Variants in AKR1C3 observed in about 807,000 individuals in gnomAD.
The protein encoded by AKR1C3 is aldo-keto reductase family 1 member C3.
Under a neutral mutation model 43.6 loss-of-function variants are expected in AKR1C3, and 48 were observed. The ratio of observed to expected loss-of-function variants is 1.10; its 90% CI spans 0.87 to 1.40. AKR1C3 has a LOEUF of 1.40. Ranked by LOEUF, AKR1C3 falls within the 40% of genes most tolerant of loss-of-function variation. AKR1C3 has a pLI of 0.00. For missense variants in AKR1C3, 482 were observed against 391.2 expected, an observed-to-expected ratio of 1.23 and a Z score of -1.96; for synonymous variants, 162 against 139.6, an observed-to-expected ratio of 1.16 and a Z score of -1.13.
At chr10:5,103,940 ATATATATAT>A (rs1839426255) in intron 7 of AKR1C3, among the ~76,000 whole-genome samples, 1 of 151,900 alleles carries the variant, frequency 6.6e-6, no homozygotes, top group Non-Finnish European at 1.5e-5. Flanking sequence ...TGATAGATTG[ATATATATAT>A]TATAGTTTAA....
chr10:5,098,840 A>G lies in AKR1C3; in HGVS notation c.408A>G (p.Lys136=), dbSNP rs375919072. 4 of 1,613,954 alleles carry G rather than the reference A, an allele frequency of 2.5e-6. No individual in the cohort carries two copies. The highest frequency in any genetic ancestry group is 3.4e-6 in the Non-Finnish European group (4 of 1,179,934). ...TTTCACCAACAGATGAAAATGGAAA[A>G]GTAATATTTGACATAGTGGATCTCT... is the stretch of plus-strand genomic sequence containing the variant. ...EELSPTDENG[K]VIFDIVDLCT... Residue 136 remains lysine (K), a synonymous_variant, in exon 4 of 9, where the codon AAA becomes AAG. Coordinates refer to ENST00000380554, the MANE Select transcript of AKR1C3 (RefSeq NM_003739.6).
chr10:5,081,017 G>A (rs1195907302), intron 1 of AKR1C3: 1 of 150,684 alleles, frequency 6.6e-6, no homozygotes, highest in African/African-American at 2.4e-5. Flanking sequence ...TAGGGTGTGG[G>A]GGATGAAAAC....
chr10:5,100,458 T>A (rs1839319282), intron 5 of AKR1C3, among the ~76,000 whole-genome samples: 1 of 152,194 alleles, frequency 6.6e-6, no homozygotes, highest in African/African-American at 2.4e-5. Context: ...TTTAAACACA[T>A]CTATTCTATG....
rs587650428 is a variant in AKR1C3 at position 5,106,933 on chromosome 10, T to G, written c.930-528T>G. Among the ~76,000 whole-genome samples, 3 of 152,148 alleles carry G rather than the reference T, an allele frequency of 2.0e-5. No individual in the cohort carries two copies. In the East Asian group the frequency reaches 5.8e-4, roughly 29 times the overall value. On this transcript the variant is annotated intron_variant, in intron 8 of 8. Transcript: ENST00000380554. ...GAAAATAAATAAAAAAAGGAAACCA[T>G]GTAAAAGAAAGGAAGAGTAGCGAGC...
intron 1 of AKR1C3, among the ~76,000 whole-genome samples, chr10:5,084,492 G>C (rs1470392019): frequency 1.6e-4 from 24 of 151,962 alleles, no homozygotes; most frequent in African/African-American, 5.6e-4. Flanking sequence ...TTGTAGTATA[G>C]TTTGAAGTCA....
upstream of AKR1C3, among the ~76,000 whole-genome samples, chr10:5,090,935 CA>C (rs1358778469): frequency 2.0e-5 from 3 of 152,050 alleles, no homozygotes; most frequent in African/African-American, 7.2e-5. Context: ...GGAGTCTCAA[CA>C]TTGACCATTG....
intron 1 of AKR1C3, among the ~76,000 whole-genome samples, chr10:5,074,831 C>T (rs1280371737): frequency 1.3e-5 from 2 of 152,168 alleles, no homozygotes; most frequent in African/African-American, 4.8e-5. Flanking sequence ...CAGTTGCGGT[C>T]ACCCCACAGA....
chr10:5,060,984 C>T (rs1838371682), intron 1 of AKR1C3, among the ~76,000 whole-genome samples: 1 of 152,344 alleles, frequency 6.6e-6, no homozygotes, highest in East Asian at 1.9e-4. Context: ...CGCTGGCCCA[C>T]AAGCGTGGCG....
upstream of AKR1C3, chr10:5,094,261 A>C (rs1554784803): frequency 8.2e-6 from 4 of 490,518 alleles, no homozygotes; most frequent in African/African-American, 2.0e-5. Context: ...GATAAGAAAC[A>C]AATGAACTGA....
intron 3 of AKR1C3, 42 bp from the exon 4 acceptor site, chr10:5,098,760 A>T: frequency 6.4e-7 from 1 of 1,555,650 alleles, no homozygotes; most frequent in Non-Finnish European, 8.9e-7. Flanking sequence ...TGAGTGGAGA[A>T]ATTAATTTGT....
intron 4 of AKR1C3, among the ~76,000 whole-genome samples, chr10:5,099,116 C>T (rs1554785591): frequency 6.6e-6 from 1 of 152,156 alleles, no homozygotes; most frequent in African/African-American, 2.4e-5. Flanking sequence ...TTAATCTATC[C>T]AGTTTCCTAA....
intron 7 of AKR1C3, among the ~76,000 whole-genome samples, chr10:5,104,260 A>T (rs1172578841): frequency 1.3e-5 from 2 of 152,150 alleles, no homozygotes; most frequent in African/African-American, 4.8e-5. Context: ...TGTAAATTCA[A>T]ATGAATTTCT....
chr10:5,089,574 ATTTT>A (rs1298115797), upstream of AKR1C3, among the ~76,000 whole-genome samples: 1 of 151,982 alleles, frequency 6.6e-6, no homozygotes, highest in Non-Finnish European at 1.5e-5. Flanking sequence ...CCTTCAGTGA[ATTTT>A]TTTGTTTTCA....
chr10:5,104,541 TTGATAA>T (rs1554786774), intron 7 of AKR1C3, among the ~76,000 whole-genome samples: 3 of 147,972 alleles, frequency 2.0e-5, no homozygotes, highest in African/African-American at 7.3e-5. Flanking sequence ...TTTATTTTAT[TTGATAA>T]TATCTTGATT....
intron 1 of AKR1C3, among the ~76,000 whole-genome samples, chr10:5,050,548 ACAT>A (rs1838133060): frequency 6.6e-6 from 1 of 151,150 alleles, no homozygotes; most frequent in Non-Finnish European, 1.5e-5. Flanking sequence ...TGTGTGAAAA[ACAT>A]AACAACAATG....
At chr10:5,101,827 G>A (rs1839357499) in intron 5 of AKR1C3, among the ~76,000 whole-genome samples, 1 of 152,122 alleles carries the variant, frequency 6.6e-6, no homozygotes, top group South Asian at 2.1e-4. Context: ...TCCCAGATAT[G>A]GAACTTGTTA....
chr10:5,063,974 C>A (rs570409023), intron 1 of AKR1C3, among the ~76,000 whole-genome samples: 21 of 152,150 alleles, frequency 1.4e-4, no homozygotes, highest in African/African-American at 4.3e-4. Context: ...ATTCTAAATC[C>A]TTTGCTGTCA....
chr10:5,075,197 C>T (rs1838688095), intron 1 of AKR1C3, among the ~76,000 whole-genome samples: 1 of 144,122 alleles, frequency 6.9e-6, no homozygotes, highest in Admixed American at 7.2e-5. Context: ...AAGTCCCTCT[C>T]TCATTTTTTT....
At chr10:5,104,267 TTC>T (rs1485841951) in intron 7 of AKR1C3, among the ~76,000 whole-genome samples, 4 of 152,166 alleles carry the variant, frequency 2.6e-5, no homozygotes, top group Admixed American at 6.5e-5. Context: ...TCAAATGAAT[TTC>T]TTTTTCAATA....
Sources: gnomAD v4.1 joint callset for allele counts (sites outside exome capture counted in the v4.1 genomes callset) on GRCh38, gnomAD v4.1.1 for gene constraint, MANE v1.5 for transcripts, NCBI Gene and HGNC (gene_info 2026-07-23, HGNC 2026-07-21) for gene names.